TASOR: variants seen among roughly 807,000 people sequenced by gnomAD.
The protein encoded by TASOR is protein TASOR.
In TASOR, 53 loss-of-function variants were observed where a neutral mutation model predicts 178.6. That is an observed-to-expected ratio of 0.30 (90% CI 0.24 to 0.37). The LOEUF (loss-of-function observed/expected upper bound fraction) is 0.37, where lower values mean the gene tolerates loss of function less well. Among genes scored for constraint, TASOR ranks in the 10% least tolerant of loss-of-function variants. The pLI is 1.00. For missense variants in TASOR, 1,815 were observed against 1,971.4 expected, an observed-to-expected ratio of 0.92 and a Z score of 1.50; for synonymous variants, 713 against 696.2, an observed-to-expected ratio of 1.02 and a Z score of -0.38.
intron 1 of TASOR, among the ~76,000 whole-genome samples, chr3:56,675,208 CTT>C (rs1452707066): frequency 1.3e-5 from 2 of 148,736 alleles, no homozygotes; most frequent in African/African-American, 5.0e-5. Context: ...GAGTTTCGCT[CTT>C]GTTGCCCAGG....
At chr3:56,662,115 A>C (rs2077609972) in intron 9 of TASOR, among the ~76,000 whole-genome samples, 1 of 149,858 alleles carries the variant, frequency 6.7e-6, no homozygotes, top group Admixed American at 6.7e-5. Context: ...GAGTGACAAG[A>C]GCGAAACTCC....
chr3:56,634,334 T>C (rs1188985694), intron 17 of TASOR, among the ~76,000 whole-genome samples: 1 of 152,232 alleles, frequency 6.6e-6, no homozygotes, highest in Admixed American at 6.5e-5. Flanking sequence ...TCAATCCCTG[T>C]ATTTATTATT....
chr3:56,677,873 G>A (rs1338571953), intron 1 of TASOR, among the ~76,000 whole-genome samples: 1 of 152,184 alleles, frequency 6.6e-6, no homozygotes, highest in Non-Finnish European at 1.5e-5. Context: ...AACAGCAGTA[G>A]CAATAGAAGT....
intron 6 of TASOR, 100 bp from the exon 7 acceptor site, chr3:56,666,484 C>G (rs2029987932): frequency 1.1e-6 from 1 of 876,710 alleles, no homozygotes. Flanking sequence ...CATATATGCA[C>G]TTCTGACAAA....
chr3:56,671,505 CTGTAAT>C, intron 3 of TASOR, 89 bp downstream of exon 3: 1 of 833,208 alleles, frequency 1.2e-6, no homozygotes, highest in Non-Finnish European at 1.8e-6. Context: ...TCAAAAAAGT[CTGTAAT>C]TGTAAAGAAT....
At chr3:56,656,645 G>GT (rs2107601372) in intron 11 of TASOR, among the ~76,000 whole-genome samples, 1 of 151,388 alleles carries the variant, frequency 6.6e-6, no homozygotes, top group East Asian at 1.9e-4. Flanking sequence ...ATCAAAAAAT[G>GT]TAAGACAGCT....
rs149021881 is a variant in TASOR at position 56,645,302 on chromosome 3, G to A, written c.2215+1220C>T. 7.5e-3 allele frequency among the ~76,000 whole-genome samples: 1,141 copies of A among 152,174 alleles called. 10 individuals carry two copies. The highest frequency in any genetic ancestry group is 0.013 in the Non-Finnish European group (850 of 67,990). ...AATAAATAAATAAATAAAAAGAGCA[G>A]GAAAGTGAAAAGTGAGGATACAAAT... On this transcript the variant is annotated intron_variant, in intron 14 of 23. Coordinates refer to ENST00000683822, the MANE Select transcript of TASOR (RefSeq NM_001365635.2).
At chr3:56,654,704 T>C (rs933654826) in intron 11 of TASOR, among the ~76,000 whole-genome samples, 4 of 152,194 alleles carry the variant, frequency 2.6e-5, no homozygotes, top group African/African-American at 9.6e-5. Flanking sequence ...AGGCAAACCC[T>C]AACCCCCACA....
Position 56,620,573 on chromosome 3 carries a change from A to G in TASOR, c.*2464T>C, listed in dbSNP as rs1294853219. On this transcript the variant is annotated 3_prime_UTR_variant, in exon 24 of 24. Coordinates refer to ENST00000683822, the MANE Select transcript of TASOR (RefSeq NM_001365635.2). ...CATGTACCAATACCCTCTGCATTTC[A>G]AAATGTTGACTCAGATGTTTTTCCC... The G allele has an allele frequency of 6.6e-6, 1 of 152,212 alleles. No individual in the cohort carries two copies. Among genetic ancestry groups the G allele is most frequent in the Non-Finnish European group, 1.5e-5 (1 of 68,050 alleles). 9.4% of individuals were successfully genotyped at this position (152,212 alleles called of 1,614,324 possible). A position where few individuals can be genotyped will look rare whatever the true frequency, so the allele number is the denominator to read the frequency against.
At chr3:56,656,623 AT>A (rs1324559398) in intron 11 of TASOR, among the ~76,000 whole-genome samples, 1 of 151,766 alleles carries the variant, frequency 6.6e-6, no homozygotes, top group Non-Finnish European at 1.5e-5. Flanking sequence ...AGAAAATACT[AT>A]TTACAAAAGC....
chr3:56,674,797 A>G (rs1381129814), intron 1 of TASOR, among the ~76,000 whole-genome samples: 1 of 152,174 alleles, frequency 6.6e-6, no homozygotes, highest in African/African-American at 2.4e-5. Context: ...AAAAAGCTCT[A>G]AGCATAGCAT....
intron 23 of TASOR, 65 bp downstream of exon 23, chr3:56,624,414 T>C (rs1247756648): frequency 1.3e-6 from 2 of 1,533,544 alleles, no homozygotes; most frequent in Non-Finnish European, 1.8e-6. Flanking sequence ...CATTATTTGG[T>C]AACAGCAAAA....
chr3:56,668,685 A>C, intron 5 of TASOR, 127 bp from the exon 6 acceptor site: 48 of 739,510 alleles, frequency 6.5e-5, no homozygotes, highest in Non-Finnish European at 9.4e-5. Context: ...TTAATATCTC[A>C]CAGAACAGCT....
At chr3:56,654,530 A>G (rs2077428639) in intron 11 of TASOR, among the ~76,000 whole-genome samples, 1 of 152,114 alleles carries the variant, frequency 6.6e-6, no homozygotes, top group Non-Finnish European at 1.5e-5. Context: ...TAGGTCAACT[A>G]GATTTGGCCA....
chr3:56,678,763 C>A lies in TASOR; in HGVS notation c.331+3913G>T, dbSNP rs575811338. On this transcript the variant is annotated intron_variant, in intron 1 of 23. Transcript: ENST00000683822. ...TGGCGGCTCATGCCTGTAATCCCAG[C>A]ACTTTGGGAGGCCAAGGAGGGCGGA... Among the ~76,000 whole-genome samples, 7 of 152,204 alleles carry A rather than the reference C, an allele frequency of 4.6e-5. No individual in the cohort carries two copies. In the East Asian group the frequency reaches 1.4e-3, roughly 29 times the overall value.
chr3:56,649,142 T>C (rs1387528675), intron 11 of TASOR, 85 bp from the exon 12 acceptor site: 9 of 1,000,198 alleles, frequency 9.0e-6, no homozygotes, highest in Non-Finnish European at 1.1e-5. Flanking sequence ...CTACTAATTG[T>C]AAAGAAAAAA....
chr3:56,627,756 A>G lies in TASOR; in HGVS notation c.3871-15T>C, dbSNP rs771119631. 24 of 1,608,232 alleles carry G rather than the reference A, an allele frequency of 1.5e-5. No homozygotes were observed. In the South Asian group the frequency reaches 2.0e-4, roughly 13 times the overall value. On this transcript the variant is annotated splice_polypyrimidine_tract_variant and intron_variant, in intron 19 of 23. Coordinates refer to ENST00000683822, the MANE Select transcript of TASOR (RefSeq NM_001365635.2). ...AAGCCAGGTATCTGTTTAAATCCCA[A>G]AACAAAAAGAGAAACAGATGGAGGG...
intron 11 of TASOR, among the ~76,000 whole-genome samples, chr3:56,652,092 C>A (rs995469112): frequency 1.3e-5 from 2 of 152,084 alleles, no homozygotes; most frequent in African/African-American, 4.8e-5. Context: ...GCCACATATT[C>A]TTGACTCTAT....
At chr3:56,653,284 AAAAAAGAAAAG>A (rs2077393385) in intron 11 of TASOR, among the ~76,000 whole-genome samples, 1 of 102,346 alleles carries the variant, frequency 9.8e-6, no homozygotes, top group African/African-American at 6.7e-5. Context: ...AAAAAAAAAA[AAAAAAGAAAAG>A]ACAAGCTAAA....
Sources: gnomAD v4.1 joint callset for allele counts (sites outside exome capture counted in the v4.1 genomes callset) on GRCh38, gnomAD v4.1.1 for gene constraint, MANE v1.5 for transcripts, NCBI Gene and HGNC (gene_info 2026-07-23, HGNC 2026-07-21) for gene names.